Variants in SLC17A5 observed in about 807,000 individuals in gnomAD.
SLC17A5 encodes the protein solute carrier family 17 member 5.
In SLC17A5, 47 loss-of-function variants were observed where a neutral mutation model predicts 59.4. That is an observed-to-expected ratio of 0.79 (90% CI 0.63 to 1.01). The LOEUF (loss-of-function observed/expected upper bound fraction) is 1.01, where lower values mean the gene tolerates loss of function less well. Ranked by LOEUF, SLC17A5 falls within the 50% of genes least tolerant of loss-of-function variation. The pLI, the probability that SLC17A5 is intolerant of heterozygous loss-of-function variation, is 0.00. For missense variants in SLC17A5, 522 were observed against 595.5 expected (o/e 0.88, Z 1.28); for synonymous variants, 202 against 210.7 (o/e 0.96, Z 0.36).
intron 7 of SLC17A5, chr6:73,618,510 T>A: frequency 2.0e-6 from 1 of 508,384 alleles, no homozygotes; most frequent in African/African-American, 2.0e-5. Context: ...TAGTTTTGTG[T>A]GTTGGGTGCT....
intron 1 of SLC17A5, among the ~76,000 whole-genome samples, chr6:73,651,217 T>G (rs997441698): frequency 6.6e-6 from 1 of 151,940 alleles, no homozygotes; most frequent in Non-Finnish European, 1.5e-5. Context: ...TCCCAGCACT[T>G]TGGGAGGCCA....
rs544524205 is a variant in SLC17A5, at chr6:73,608,718, C to CA, written c.1259+1681dup. On this transcript the variant is annotated intron_variant, in intron 9 of 10. Coordinates refer to ENST00000355773, the MANE Select transcript of SLC17A5 (RefSeq NM_012434.5). ...GACTATTCGTCAATCCTAGGCTTGA[C>CA]AAAACCTCAAGTCTTGGCCAGGTGC... 1.9e-3 allele frequency among the ~76,000 whole-genome samples: 288 copies of CA among 152,290 alleles called. 2 individuals are homozygous for CA. The highest frequency in any genetic ancestry group is 2.4e-3 in the Non-Finnish European group (161 of 68,024).
intron 6 of SLC17A5, among the ~76,000 whole-genome samples, chr6:73,633,521 C>T (rs2150110780): frequency 6.6e-6 from 1 of 151,892 alleles, no homozygotes; most frequent in Non-Finnish European, 1.5e-5. Flanking sequence ...CGTAAATCAC[C>T]ATGCCCAGCC....
Position 73,600,352 on chromosome 6 carries a change from T to A in SLC17A5, c.1349A>T (p.Asp450Val), listed in dbSNP as rs1034538510. ...GPVIAKSLTP[D>V]NTVGEWQTVF... ...TTTACAAGTAAATTATCTACTTACA[T>A]CAGGGGTCAGACTTTTAGCAATGAC... The change falls in exon 10 of 11, where the codon GAT (aspartate) becomes GTT (valine). Residue 450 changes from aspartate (D) to valine (V), a missense_variant and splice_region_variant. Transcript: ENST00000355773. 6.2e-7 allele frequency: 1 copy of A among 1,611,370 alleles called. No individual in the cohort carries two copies. The highest frequency in any genetic ancestry group is 8.5e-7 in the Non-Finnish European group (1 of 1,177,520).
intron 7 of SLC17A5, among the ~76,000 whole-genome samples, chr6:73,621,484 T>C (rs535150675): frequency 1.3e-5 from 2 of 152,350 alleles, no homozygotes; most frequent in South Asian, 4.1e-4. Context: ...TCTGTGTATC[T>C]TTGGAGAAAT....
chr6:73,649,289 T>C (rs1769737302), intron 1 of SLC17A5, among the ~76,000 whole-genome samples: 1 of 152,200 alleles, frequency 6.6e-6, no homozygotes, highest in Admixed American at 6.5e-5. Flanking sequence ...TAAGCCACCA[T>C]GCCTAGACAA....
chr6:73,648,032 G>A (rs889699362), intron 1 of SLC17A5, among the ~76,000 whole-genome samples: 2 of 151,974 alleles, frequency 1.3e-5, no homozygotes, highest in East Asian at 1.9e-4. Flanking sequence ...TCACGCCATC[G>A]CACTCCAGCC....
Position 73,600,417 on chromosome 6 carries a change from G to A in SLC17A5, c.1284C>T (p.Ile428=), listed in dbSNP as rs1475561276. The A allele has an allele frequency of 3.1e-6, 5 of 1,613,686 alleles. No homozygotes were observed. In the African/African-American group the frequency reaches 6.7e-5, roughly 22 times the overall value. Residue 428 remains isoleucine (I), a synonymous_variant, in exon 10 of 11, where the codon ATC becomes ATT. Transcript: ENST00000355773. ...APSYAGILLG[I]TNTFATIPGM... Reference sequence around the variant, plus strand: ...CTGGAATAGTGGCAAATGTATTTGTGATGCCCAGGAGGATACCAGCATACC... The same window carrying A: ...CTGGAATAGTGGCAAATGTATTTGTAATGCCCAGGAGGATACCAGCATACC...
chr6:73,641,809 T>G lies in SLC17A5; in HGVS notation c.407A>C (p.Lys136Thr). The change falls in exon 3 of 11, where the codon AAA becomes ACA. Residue 136 changes from lysine to threonine, a missense_variant. Lys to Thr is a moderately conservative substitution (Grantham distance 78, BLOSUM62 -1). Coordinates refer to ENST00000355773, the MANE Select transcript of SLC17A5 (RefSeq NM_012434.5). ...AAGGATCCCAAATCCTAGCAGCATTTTCCCCCCTATTTTGCTGGCAACATA... is the reference window on the plus strand; with the variant it reads ...AAGGATCCCAAATCCTAGCAGCATTGTCCCCCCTATTTTGCTGGCAACATA... ...GGYVASKIGG[K>T]MLLGFGILGT... The G allele has an allele frequency of 1.2e-6, 2 of 1,614,160 alleles. No homozygotes were observed. The highest frequency in any genetic ancestry group is 1.7e-6 in the Non-Finnish European group (2 of 1,180,022).
chr6:73,604,853 A>G lies in SLC17A5; in HGVS notation c.1260-4412T>C, dbSNP rs367839402. The stretch of plus-strand genomic sequence containing the variant: ...ACATTTATATGTTAATAGGAATATT[A>G]TTTATTGGAAAACCTTGTATCTGTT... On this transcript the variant is annotated intron_variant, in intron 9 of 10. Transcript: ENST00000355773. 5.3e-5 allele frequency among the ~76,000 whole-genome samples: 8 copies of G among 152,290 alleles called. No homozygotes were observed. In the East Asian group the frequency reaches 1.5e-3, roughly 29 times the overall value.
At chr6:73,611,424 C>T (rs1238549115) in intron 8 of SLC17A5, among the ~76,000 whole-genome samples, 1 of 152,118 alleles carries the variant, frequency 6.6e-6, no homozygotes, top group East Asian at 1.9e-4. Context: ...GAATTACAGG[C>T]CTGGGCCACC....
intron 1 of SLC17A5, among the ~76,000 whole-genome samples, chr6:73,649,001 T>TA (rs1441761124): frequency 9.2e-6 from 1 of 109,040 alleles, no homozygotes; most frequent in African/African-American, 4.4e-5. Context: ...TAATATATAA[T>TA]TTTTTTTTTT....
intron 1 of SLC17A5, among the ~76,000 whole-genome samples, chr6:73,652,272 G>A (rs1048034937): frequency 6.6e-6 from 1 of 152,170 alleles, no homozygotes; most frequent in African/African-American, 2.4e-5. Flanking sequence ...GTTTTTAAAA[G>A]GGATGCTATA....
In SLC17A5 at chr6:73,635,463, C is replaced by T. The variant is rs755923873; in HGVS notation, c.738G>A (p.Trp246Ter). 3.1e-6 allele frequency: 5 copies of T among 1,606,464 alleles called. No individual in the cohort carries two copies. The highest frequency in any genetic ancestry group is 4.3e-6 in the Non-Finnish European group (5 of 1,175,810). Residue 246 changes from tryptophan to a stop codon, truncating the protein, a stop_gained, in exon 6 of 11, where the codon TGG (tryptophan) becomes TGA (stop). Transcript: ENST00000355773. LOFTEE classifies it high-confidence loss of function. Reference sequence around the variant, plus strand: ...GTTTTTGTGGTGTGTCACTAACTAACCAGATCCACAAAAGAAACCAAAATA... The same window carrying T: ...GTTTTTGTGGTGTGTCACTAACTAATCAGATCCACAAAAGAAACCAAAATA... ...IGIFWFLLWI[W>*]LVSDTPQKHK... is the part of the protein sequence containing the mutation.
Position 73,615,321 on chromosome 6 carries a change from G to A in SLC17A5, c.1105C>T (p.Leu369Phe). Residue 369 changes from leucine (L) to phenylalanine (F), a missense_variant, in exon 8 of 11, where the codon CTT (leucine) becomes TTT (phenylalanine). Leu to Phe is a conservative substitution (Grantham distance 22). Coordinates refer to ENST00000355773, the MANE Select transcript of SLC17A5 (RefSeq NM_012434.5). ...STLCVRRIFS[L>F]IGMIGPAVFL... Reference sequence around the variant, plus strand: ...ACCTGATTGCTTCACTTACCTATAAGGCTAAAAATTCTGCGAACACATAAA... The same window carrying A: ...ACCTGATTGCTTCACTTACCTATAAAGCTAAAAATTCTGCGAACACATAAA... The A allele has an allele frequency of 1.2e-6, 2 of 1,613,976 alleles. No homozygotes were observed. The highest frequency in any genetic ancestry group is 4.5e-5 in the East Asian group (2 of 44,870).
chr6:73,623,230 G>A (rs901719845), intron 6 of SLC17A5, among the ~76,000 whole-genome samples: 1 of 152,102 alleles, frequency 6.6e-6, no homozygotes, highest in African/African-American at 2.4e-5. Context: ...GTAGAGACAA[G>A]GTTTCACTAT....
At chr6:73,595,268 T>A (rs989420605) in intron 10 of SLC17A5, 54 bp from the exon 11 acceptor site, 11 of 1,595,522 alleles carry the variant, frequency 6.9e-6, no homozygotes, top group Non-Finnish European at 9.4e-6. Flanking sequence ...TGTAGTTCAC[T>A]TCATTAAAAA....
intron 9 of SLC17A5, among the ~76,000 whole-genome samples, chr6:73,606,520 C>T (rs1050005311): frequency 1.2e-4 from 18 of 152,124 alleles, no homozygotes; most frequent in African/African-American, 3.4e-4. Flanking sequence ...ATGTCTTTTT[C>T]GGCTTATAAG....
Position 73,644,445 on chromosome 6 carries a change from C to T in SLC17A5, c.253G>A (p.Glu85Lys), listed in dbSNP as rs758320349. The change falls in exon 2 of 11, where the codon GAG (glutamate) becomes AAG (lysine). Residue 85 changes from glutamate (E) to lysine (K), a missense_variant. Physicochemically the swap from Glu to Lys is moderately conservative, Grantham distance 56. Transcript: ENST00000355773. ...TGAACTTTTATGGGAGCAGAATGCT[C>T]TGGACACGCCTTGGAAGTTCTATTA... is the stretch of plus-strand genomic sequence containing the variant. ...EDNRTSKACP[E>K]HSAPIKVHHN... The T allele has an allele frequency of 1.4e-5, 23 of 1,613,978 alleles. No individual in the cohort carries two copies. The highest frequency in any genetic ancestry group is 1.9e-5 in the Non-Finnish European group (23 of 1,179,974).
Sources: gnomAD v4.1 joint callset for allele counts (sites outside exome capture counted in the v4.1 genomes callset) on GRCh38, gnomAD v4.1.1 for gene constraint, MANE v1.5 for transcripts, NCBI Gene and HGNC (gene_info 2026-07-23, HGNC 2026-07-21) for gene names.